TRAP1: variants seen among roughly 807,000 people sequenced by gnomAD.
TRAP1 encodes the protein TNF receptor associated protein 1, also known as heat shock protein 75 kDa, mitochondrial.
Under a neutral mutation model 89.1 loss-of-function variants are expected in TRAP1, and 102 were observed. The ratio of observed to expected loss-of-function variants is 1.15; its 90% CI spans 0.98 to 1.35. The LOEUF is 1.35. Among genes scored for constraint, TRAP1 ranks in the 40% most tolerant of loss-of-function variants. TRAP1 has a pLI of 0.00. For missense variants in TRAP1, 1,256 were observed against 945.3 expected, an observed-to-expected ratio of 1.33 and a Z score of -4.31; for synonymous variants, 508 against 388.0, an observed-to-expected ratio of 1.31 and a Z score of -3.64.
intron 11 of TRAP1, among the ~76,000 whole-genome samples, chr16:3,671,105 G>A (rs1039651218): frequency 3.3e-5 from 5 of 152,098 alleles, no homozygotes; most frequent in African/African-American, 4.8e-5. Context: ...TGCACGTGGT[G>A]GGCTCTTGAG....
At chr16:3,702,825 C>T (rs2051385258) in intron 1 of TRAP1, among the ~76,000 whole-genome samples, 3 of 151,430 alleles carry the variant, frequency 2.0e-5, no homozygotes, top group African/African-American at 7.3e-5. Context: ...GGCGGATCAC[C>T]TGAGGTTGGG....
intron 16 of TRAP1, 49 bp from the exon 17 acceptor site, chr16:3,658,914 GA>G (rs2042893280): frequency 1.9e-6 from 3 of 1,578,700 alleles, no homozygotes; most frequent in Middle Eastern, 1.7e-4. Flanking sequence ...CACGTGCTGT[GA>G]CCCTCCCTTC....
chr16:3,674,717 T>G (rs575269449), intron 8 of TRAP1: 3 of 583,982 alleles, frequency 5.1e-6, no homozygotes, highest in Non-Finnish European at 9.1e-6. Context: ...CAGGACAACA[T>G]GTCAGGAGGA....
chr16:3,661,356 T>G (rs2043062896), intron 16 of TRAP1: 1 of 151,846 alleles, frequency 6.6e-6, no homozygotes, highest in Admixed American at 6.6e-5. Context: ...GAGGGAAATC[T>G]TACGGCTCAG....
intron 17 of TRAP1, 66 bp from the exon 18 acceptor site, chr16:3,658,296 A>G: frequency 1.6e-6 from 2 of 1,224,258 alleles, no homozygotes. Flanking sequence ...TTTTTTTTTG[A>G]GACAGAGTCT....
chr16:3,676,228 T>C, intron 6 of TRAP1, 83 bp from the exon 7 acceptor site: 12 of 1,223,232 alleles, frequency 9.8e-6, no homozygotes, highest in Non-Finnish European at 1.4e-5. Flanking sequence ...TTCCCGAGGG[T>C]TTCATAGGCA....
At position 3,674,470 on chromosome 16, in the gene TRAP1, C is replaced by T. The variant is rs768805708; in HGVS notation, c.913G>A (p.Asp305Asn). Residue 305 changes from aspartate (D) to asparagine (N), a missense_variant, in exon 9 of 18, where the codon GAT (aspartate) becomes AAT (asparagine). By Grantham distance (23) the Asp-to-Asn change is conservative. Coordinates refer to ENST00000246957, the MANE Select transcript of TRAP1 (RefSeq NM_016292.3). Reference protein sequence around the residue: ...LQAIWMMDPKDVREWQHEEFY... With the variant: ...LQAIWMMDPKNVREWQHEEFY... ...TCCTCATGTTGCCACTCACGGACAT[C>T]CTTGGGGTCCATCATCCAGATGGCC... is the stretch of plus-strand genomic sequence containing the variant. The T allele has an allele frequency of 5.0e-6, 8 of 1,613,864 alleles. No individual in the cohort carries two copies. The highest frequency in any genetic ancestry group is 1.7e-5 in the Admixed American group (1 of 59,984).
In TRAP1 at chr16:3,662,870, G is replaced by A; in HGVS notation, c.1794+12C>T. 2 of 1,613,330 alleles carry A rather than the reference G, an allele frequency of 1.2e-6. No individual in the cohort carries two copies. Among genetic ancestry groups the A allele is most frequent in the Non-Finnish European group, 1.7e-6 (2 of 1,179,822 alleles). The stretch of plus-strand genomic sequence containing the variant: ...GCGGCCAAGTGGTGGTCCATCCCCG[G>A]GAAAGCCTCACCTTCACGTTGGTGA... On this transcript the variant is annotated intron_variant, in intron 15 of 17. Transcript: ENST00000246957.
intron 4 of TRAP1, among the ~76,000 whole-genome samples, chr16:3,681,022 A>G (rs377520405): frequency 6.6e-6 from 1 of 152,268 alleles, no homozygotes; most frequent in African/African-American, 2.4e-5. Context: ...GTGAACACAC[A>G]AGGCCTTACT....
intron 1 of TRAP1, among the ~76,000 whole-genome samples, chr16:3,705,523 A>C (rs1349547468): frequency 2.0e-5 from 3 of 152,148 alleles, no homozygotes; most frequent in Non-Finnish European, 4.4e-5. Context: ...AAATCATACA[A>C]TATATGGTTT....
intron 16 of TRAP1, chr16:3,659,516 A>T (rs1193650772): frequency 6.6e-6 from 1 of 152,200 alleles, no homozygotes; most frequent in African/African-American, 2.4e-5. Context: ...GACATATTTG[A>T]CGTCAGAACA....
At chr16:3,662,236 C>T (rs888114118) in intron 15 of TRAP1, 104 bp from the exon 16 acceptor site, 12 of 1,439,328 alleles carry the variant, frequency 8.3e-6, no homozygotes, top group East Asian at 4.8e-5. Context: ...AGGTAGCAGG[C>T]GGGGTCTCAA....
intron 4 of TRAP1, among the ~76,000 whole-genome samples, chr16:3,680,551 C>T (rs1302707205): frequency 6.6e-6 from 1 of 152,354 alleles, no homozygotes; most frequent in East Asian, 1.9e-4. Flanking sequence ...CTACTCCCAC[C>T]CTACCACCAT....
At chr16:3,697,789 ATTTT>A (rs796150055) in intron 1 of TRAP1, among the ~76,000 whole-genome samples, 1 of 144,288 alleles carries the variant, frequency 6.9e-6, no homozygotes, top group Non-Finnish European at 1.5e-5. Context: ...AATATGCAGA[ATTTT>A]TTTTTTTTTT....
chr16:3,710,879 A>ATATATATATTTTT lies in TRAP1; in HGVS notation c.88+6541_88+6542insAAAAATATATATA, dbSNP rs71133652. Among the ~76,000 whole-genome samples, 766 of 125,652 alleles carry ATATATATATTTTT rather than the reference A, an allele frequency of 6.1e-3. 5 individuals are homozygous for ATATATATATTTTT. Among genetic ancestry groups the ATATATATATTTTT allele is most frequent in the East Asian group, 0.016 (65 of 4,170 alleles). The allele number at this position is 125,652 out of a possible 152,430, so 82.4% of individuals were successfully genotyped here. ...TGTGTATATATATATATATATATAT[A>ATATATATATTTTT]TTTTTTTTTTTGAGACACTGTCACT... On this transcript the variant is annotated intron_variant, in intron 1 of 17. Coordinates refer to ENST00000246957, the MANE Select transcript of TRAP1 (RefSeq NM_016292.3).
intron 8 of TRAP1, chr16:3,674,746 G>A: frequency 1.8e-6 from 1 of 543,278 alleles, no homozygotes; most frequent in Non-Finnish European, 3.3e-6. Context: ...GACCTGAGGG[G>A]GCCTGTGGGA....
intron 12 of TRAP1, 110 bp from the exon 13 acceptor site, chr16:3,664,569 T>C (rs2050783404): frequency 1.6e-6 from 2 of 1,244,862 alleles, no homozygotes; most frequent in South Asian, 2.8e-5. Context: ...CACTCCAGGC[T>C]GGCCCTGACC....
intron 1 of TRAP1, among the ~76,000 whole-genome samples, chr16:3,711,580 C>CA (rs1179909632): frequency 6.6e-6 from 1 of 150,648 alleles, no homozygotes; most frequent in Non-Finnish European, 1.5e-5. Context: ...GCCTGGGAAA[C>CA]AGAGCAAGAC....
intron 9 of TRAP1, among the ~76,000 whole-genome samples, chr16:3,673,670 C>T (rs1191941324): frequency 6.6e-6 from 1 of 152,222 alleles, no homozygotes; most frequent in Admixed American, 6.5e-5. Flanking sequence ...CTGGCTGGCT[C>T]TTTCCAAGAT....
Sources: gnomAD v4.1 joint callset for allele counts (sites outside exome capture counted in the v4.1 genomes callset) on GRCh38, gnomAD v4.1.1 for gene constraint, MANE v1.5 for transcripts, NCBI Gene and HGNC (gene_info 2026-07-23, HGNC 2026-07-21) for gene names.